Variants in DISC1 observed in about 807,000 individuals in gnomAD.
DISC1 encodes disrupted in schizophrenia 1 protein.
Under a neutral mutation model 84.5 loss-of-function variants are expected in DISC1, and 57 were observed. The observed-to-expected ratio is 0.67, with a 90% CI of 0.55 to 0.84. The LOEUF is 0.84. DISC1 is among the 40% of genes least tolerant of loss of function. DISC1 has a pLI of 0.00. For missense variants in DISC1, 1,000 were observed against 1,057.8 expected (o/e 0.95, Z 0.76); for synonymous variants, 411 against 415.2 (o/e 0.99, Z 0.12).
In DISC1 at chr1:232,009,166, T is replaced by G; in HGVS notation, c.2307+117T>G. On this transcript the variant is annotated intron_variant, in intron 11 of 12. Transcript: ENST00000439617. The surrounding 1 kb of genome is among the most constrained non-coding windows in gnomAD (Gnocchi z 4.6). ...AGGCTTCCCATTGAGCATATAAACT[T>G]TTAAAAGTTTCAATAACTCTTGAAT... The G allele has an allele frequency of 6.7e-7, 1 of 1,485,542 alleles. No homozygotes were observed. Among genetic ancestry groups the G allele is most frequent in the Non-Finnish European group, 9.0e-7 (1 of 1,113,980 alleles). The allele number at this position is 1,485,542 out of a possible 1,614,324, so 92.0% of individuals were successfully genotyped here. A position where few individuals can be genotyped will look rare whatever the true frequency, so the allele number is the denominator to read the frequency against.
chr1:231,832,539 A>G (rs61835447), intron 9 of DISC1, among the ~76,000 whole-genome samples: 94,152 of 150,436 alleles, frequency 0.63, 29,735 homozygotes, highest in Middle Eastern at 0.65. Context: ...TGAAATTTGG[A>G]CTTGACTGAA....
intron 10 of DISC1, among the ~76,000 whole-genome samples, chr1:231,964,411 C>T (rs1031059267): frequency 8.5e-5 from 13 of 152,264 alleles, no homozygotes; most frequent in African/African-American, 2.6e-4. Context: ...CTCAAATGAC[C>T]GTGATAGTAG....
At chr1:231,874,780 G>A (rs559517972) in intron 9 of DISC1, among the ~76,000 whole-genome samples, 14 of 151,688 alleles carry the variant, frequency 9.2e-5, no homozygotes, top group African/African-American at 1.9e-4. Context: ...GCGTGGTGGC[G>A]GGTGCCTGTA....
intron 10 of DISC1, among the ~76,000 whole-genome samples, chr1:232,003,268 A>G (rs570285818): frequency 6.6e-6 from 1 of 152,300 alleles, no homozygotes; most frequent in African/African-American, 2.4e-5. Context: ...ATAAACTGAA[A>G]ACATAGAATG....
intron 3 of DISC1, among the ~76,000 whole-genome samples, chr1:231,748,551 G>A: frequency 6.6e-6 from 1 of 152,140 alleles, no homozygotes; most frequent in South Asian, 2.1e-4. Flanking sequence ...TTATTGATTT[G>A]CATATTTTGA....
intron 1 of DISC1, among the ~76,000 whole-genome samples, chr1:231,689,628 G>C (rs1000784589): frequency 6.6e-6 from 1 of 151,946 alleles, no homozygotes; most frequent in Non-Finnish European, 1.5e-5. Flanking sequence ...CACTGCTCCA[G>C]GAAAAAAACT....
chr1:231,851,658 C>G (rs956804809), intron 9 of DISC1, among the ~76,000 whole-genome samples: 2 of 152,076 alleles, frequency 1.3e-5, no homozygotes, highest in Admixed American at 1.3e-4. Flanking sequence ...GAGGAGTTGG[C>G]CGTGATGCGT....
intron 10 of DISC1, among the ~76,000 whole-genome samples, chr1:231,969,528 A>T (rs1217545991): frequency 5.3e-5 from 8 of 151,768 alleles, no homozygotes. Context: ...CTCAAAAGAA[A>T]ATCGTCTTGA....
intron 9 of DISC1, among the ~76,000 whole-genome samples, chr1:231,946,313 A>G (rs1391097472): frequency 6.6e-6 from 1 of 152,248 alleles, no homozygotes; most frequent in Non-Finnish European, 1.5e-5. Flanking sequence ...CAACATATGC[A>G]AATCAATAAA....
intron 4 of DISC1, among the ~76,000 whole-genome samples, chr1:231,753,673 C>T (rs575137247): frequency 1.3e-5 from 2 of 152,196 alleles, no homozygotes; most frequent in Admixed American, 6.5e-5. Flanking sequence ...ATTCCTCCCT[C>T]GAAAATGGTC....
chr1:231,681,185 A>G (rs2063654537), intron 1 of DISC1, among the ~76,000 whole-genome samples: 1 of 152,200 alleles, frequency 6.6e-6, no homozygotes, highest in African/African-American at 2.4e-5. Flanking sequence ...TTAATAGCAC[A>G]ATGGAGAGGG....
At chr1:231,944,390 C>T (rs2126140012) in intron 9 of DISC1, among the ~76,000 whole-genome samples, 1 of 152,322 alleles carries the variant, frequency 6.6e-6, no homozygotes, top group South Asian at 2.1e-4. Flanking sequence ...GCATCTGGAT[C>T]TGGTATCCAA....
chr1:231,944,456 T>C (rs2091505207), intron 9 of DISC1, among the ~76,000 whole-genome samples: 1 of 152,226 alleles, frequency 6.6e-6, no homozygotes, highest in African/African-American at 2.4e-5. Flanking sequence ...GAAGGGCTCC[T>C]TGGCTTCAGA....
chr1:231,749,972 C>G lies in DISC1; in HGVS notation c.1164C>G (p.Ile388Met). 6.2e-7 allele frequency: 1 copy of G among 1,614,224 alleles called. No individual in the cohort carries two copies. The highest frequency in any genetic ancestry group is 8.5e-7 in the Non-Finnish European group (1 of 1,180,046). Reference sequence around the variant, plus strand: ...TAGAAGACCTGGAACAAGAGAAAATCAGCCTGCACTTTCAACTTCCTTCAA... The same window carrying G: ...TAGAAGACCTGGAACAAGAGAAAATGAGCCTGCACTTTCAACTTCCTTCAA... The part of the protein sequence containing the change: ...QRLEDLEQEK[I>M]SLHFQLPSRQ... Residue 388 changes from isoleucine to methionine, a missense_variant, in exon 4 of 13, where the codon ATC becomes ATG. Transcript: ENST00000439617.
Position 231,693,867 on chromosome 1 carries a change from C to T in DISC1, c.109C>T (p.Arg37Trp), listed in dbSNP as rs202102981. ...ACCACCTGCAGCGTGCTTTCGGAGG[C>T]GGCGGCTGGCACGGAGGCCGGGCTA... ...CLPPAACFRR[R>W]RLARRPGYMR... is the part of the protein sequence containing the mutation. The change falls in exon 2 of 13, where the codon CGG becomes TGG. Residue 37 changes from arginine to tryptophan, a missense_variant. Physicochemically the swap from Arg to Trp is moderately radical, Grantham distance 101 (BLOSUM62 -3). Coordinates refer to ENST00000439617, the MANE Select transcript of DISC1 (RefSeq NM_018662.3). 154 of 1,614,008 alleles carry T rather than the reference C, an allele frequency of 9.5e-5. 2 individuals carry two copies. The South Asian group carries it at 1.1e-3, about 11-fold the overall frequency.
At chr1:231,919,655 C>T (rs147335681) in intron 9 of DISC1, among the ~76,000 whole-genome samples, 7 of 152,298 alleles carry the variant, frequency 4.6e-5, no homozygotes, top group Admixed American at 1.3e-4. Context: ...CTGATAAGCT[C>T]TTAATCTGTA....
intron 9 of DISC1, among the ~76,000 whole-genome samples, chr1:231,881,663 C>G (rs367850054): frequency 2.0e-5 from 3 of 152,132 alleles, no homozygotes; most frequent in African/African-American, 7.2e-5. Flanking sequence ...CGCTTCAAGA[C>G]GAGCACTTCC....
intron 1 of DISC1, chr1:231,685,007 G>A (rs2064092600): frequency 6.6e-6 from 1 of 152,252 alleles, no homozygotes; most frequent in South Asian, 2.1e-4. Flanking sequence ...AAGAGCAGTT[G>A]GTGAATAATC....
intron 12 of DISC1, among the ~76,000 whole-genome samples, chr1:232,027,578 C>T (rs2103046752): frequency 6.6e-6 from 1 of 152,184 alleles, no homozygotes; most frequent in African/African-American, 2.4e-5. Flanking sequence ...GGGTGGGTAC[C>T]CAGTGGATGA....
Sources: gnomAD v4.1 joint callset for allele counts (sites outside exome capture counted in the v4.1 genomes callset) on GRCh38, gnomAD v4.1.1 for gene constraint, Gnocchi (gnomAD v3.1) non-coding constraint, MANE v1.5 for transcripts, NCBI Gene and HGNC (gene_info 2026-07-23, HGNC 2026-07-21) for gene names.